ZNHIT6: variants seen among roughly 807,000 people sequenced by gnomAD.
ZNHIT6 encodes the protein box C/D snoRNA protein 1.
In ZNHIT6, 45 loss-of-function variants were observed where a neutral mutation model predicts 57.2. That is an observed-to-expected ratio of 0.79 (90% CI 0.62 to 1.01). The LOEUF (loss-of-function observed/expected upper bound fraction) is 1.01. ZNHIT6 is among the 50% of genes least tolerant of loss of function. The pLI, the probability that ZNHIT6 is intolerant of heterozygous loss-of-function variation, is 0.00. For synonymous variants in ZNHIT6, 188 were observed against 190.0 expected (o/e 0.99, Z 0.09); for missense variants, 528 against 567.3 (o/e 0.93, Z 0.70).
At position 85,708,184 on chromosome 1, in the gene ZNHIT6, C is replaced by T. The variant is rs1662749805; in HGVS notation, c.101G>A (p.Arg34Lys). 2 of 1,614,078 alleles carry T rather than the reference C, an allele frequency of 1.2e-6. No homozygotes were observed. The highest frequency in any genetic ancestry group is 1.7e-6 in the Non-Finnish European group (2 of 1,180,042). ...LSPEPGREGV[R>K]DLAGAEEFGG... ...GAACTCCTCCGCCCCTGCTAAGTCC[C>T]TTACTCCCTCCCTGCCAGGCTCTGG... Residue 34 changes from arginine (R) to lysine (K), a missense_variant, in exon 1 of 10, where the codon AGG (arginine) becomes AAG (lysine). Coordinates refer to ENST00000370574, the MANE Select transcript of ZNHIT6 (RefSeq NM_017953.4).
intron 6 of ZNHIT6, among the ~76,000 whole-genome samples, chr1:85,680,067 G>C (rs751530528): frequency 1.3e-5 from 2 of 152,048 alleles, no homozygotes; most frequent in Non-Finnish European, 2.9e-5. Context: ...TTAGCTGGGC[G>C]TGATGGCCTG....
intron 8 of ZNHIT6, among the ~76,000 whole-genome samples, chr1:85,663,977 T>G (rs371438918): frequency 1.8e-3 from 268 of 152,276 alleles, no homozygotes; most frequent in African/African-American, 6.2e-3. Context: ...CTGCTTTTCA[T>G]TTCATTCTTT....
At chr1:85,692,537 T>A (rs1206959648) in intron 5 of ZNHIT6, among the ~76,000 whole-genome samples, 1 of 152,196 alleles carries the variant, frequency 6.6e-6, no homozygotes, top group Non-Finnish European at 1.5e-5. Flanking sequence ...GAGCTGTCAA[T>A]CAGTTGACAA....
intron 4 of ZNHIT6, among the ~76,000 whole-genome samples, chr1:85,705,586 A>G (rs537454486): frequency 1.2e-4 from 19 of 152,138 alleles, no homozygotes; most frequent in Non-Finnish European, 2.2e-4. Context: ...TACCTTGCAA[A>G]TCTTTTAATT....
At chr1:85,691,259 C>T (rs1432135360) in intron 5 of ZNHIT6, among the ~76,000 whole-genome samples, 1 of 152,150 alleles carries the variant, frequency 6.6e-6, no homozygotes, top group Non-Finnish European at 1.5e-5. Context: ...AATAAACATT[C>T]AAGAAATATT....
intron 9 of ZNHIT6, among the ~76,000 whole-genome samples, chr1:85,654,717 C>T (rs558512443): frequency 5.9e-5 from 9 of 152,274 alleles, no homozygotes; most frequent in Non-Finnish European, 7.4e-5. Context: ...GCAAATCATT[C>T]TGCCTTTTAG....
Position 85,707,673 on chromosome 1 carries a change from C to A in ZNHIT6, c.612G>T (p.Pro204=), listed in dbSNP as rs147416935. The change falls in exon 1 of 10, where the codon CCG becomes CCT. Residue 204 remains proline (P), a synonymous_variant. Transcript: ENST00000370574. ...GCTTGCAGCCCACCGGGTGATTTATCGGAGGCTCTTCTTTCACCTTTGTAT... is the reference window on the plus strand; with the variant it reads ...GCTTGCAGCCCACCGGGTGATTTATAGGAGGCTCTTCTTTCACCTTTGTAT... ...VDDTKVKEEP[P]INHPVGCKRK... The A allele has an allele frequency of 6.4e-7, 1 of 1,570,216 alleles. No homozygotes were observed. The highest frequency in any genetic ancestry group is 8.6e-7 in the Non-Finnish European group (1 of 1,162,278).
In ZNHIT6 at chr1:85,667,961, A is replaced by AAAAAAAAAATATATAT; in HGVS notation, c.1247+9274_1247+9275insATATATATTTTTTTTT. On this transcript the variant is annotated intron_variant, in intron 8 of 9. Coordinates refer to ENST00000370574, the MANE Select transcript of ZNHIT6 (RefSeq NM_017953.4). ...ACTCTCTCTTTCAAAAAAAAAAAAA[A>AAAAAAAAAATATATAT]ATATATATATATATATATATATATG... Among the ~76,000 whole-genome samples the AAAAAAAAAATATATAT allele has an allele frequency of 2.6e-3, 47 of 18,184 alleles. 3 individuals are homozygous for AAAAAAAAAATATATAT. Among genetic ancestry groups the AAAAAAAAAATATATAT allele is most frequent in the African/African-American group, 6.8e-3 (32 of 4,698 alleles). 11.9% of individuals were successfully genotyped at this position (18,184 alleles called of 152,430 possible). A position where few individuals can be genotyped will look rare whatever the true frequency, so the allele number is the denominator to read the frequency against.
chr1:85,706,001 T>C (rs1313428634), intron 4 of ZNHIT6, 77 bp downstream of exon 4: 7 of 1,164,900 alleles, frequency 6.0e-6, no homozygotes, highest in South Asian at 1.5e-5. Flanking sequence ...TTAATATATT[T>C]GGTAAGTTAA....
intron 9 of ZNHIT6, among the ~76,000 whole-genome samples, 175 bp from the exon 10 acceptor site, chr1:85,654,273 G>A (rs1352811120): frequency 6.6e-6 from 1 of 152,150 alleles, no homozygotes; most frequent in African/African-American, 2.4e-5. Context: ...AATAAATAGA[G>A]AAATGATGTC....
intron 5 of ZNHIT6, among the ~76,000 whole-genome samples, chr1:85,700,926 C>T (rs1662514236): frequency 6.6e-6 from 1 of 152,138 alleles, no homozygotes; most frequent in South Asian, 2.1e-4. Flanking sequence ...CCCACTTCAG[C>T]CTCCTGAGTA....
intron 5 of ZNHIT6, among the ~76,000 whole-genome samples, chr1:85,688,262 G>C (rs1557862254): frequency 6.6e-6 from 1 of 152,148 alleles, no homozygotes; most frequent in African/African-American, 2.4e-5. Context: ...CACTAAGGTA[G>C]AGAAAAGAAA....
chr1:85,653,992 G>T lies in ZNHIT6; in HGVS notation c.*66C>A. On this transcript the variant is annotated 3_prime_UTR_variant, in exon 10 of 10. Transcript: ENST00000370574. ...TTGACAATACCCCAATCAGCCAACA[G>T]CCCATCAATGCAGAGTCTGCTGCAG... 7.3e-7 allele frequency: 1 copy of T among 1,377,980 alleles called. No individual in the cohort carries two copies. The highest frequency in any genetic ancestry group is 1.0e-6 in the Non-Finnish European group (1 of 978,070). The allele number at this position is 1,377,980 out of a possible 1,614,324, so 85.4% of individuals were successfully genotyped here.
At chr1:85,668,062 A>AT in intron 8 of ZNHIT6, among the ~76,000 whole-genome samples, 1 of 146,642 alleles carries the variant, frequency 6.8e-6, no homozygotes, top group African/African-American at 2.5e-5. Context: ...TATACCAAGT[A>AT]GTATGTTTAT....
At chr1:85,690,880 G>C (rs567265057) in intron 5 of ZNHIT6, among the ~76,000 whole-genome samples, 2 of 152,248 alleles carry the variant, frequency 1.3e-5, no homozygotes, top group Non-Finnish European at 2.9e-5. Flanking sequence ...ACAAAAATTA[G>C]CCAGGCGTGG....
At chr1:85,668,035 ATTCTCT>A in intron 8 of ZNHIT6, among the ~76,000 whole-genome samples, 1 of 134,618 alleles carries the variant, frequency 7.4e-6, no homozygotes, top group African/African-American at 2.8e-5. Context: ...TTCCATTCCG[ATTCTCT>A]TGCAGAATTT....
intron 8 of ZNHIT6, among the ~76,000 whole-genome samples, chr1:85,659,987 T>G (rs1406166095): frequency 6.6e-6 from 1 of 152,234 alleles, no homozygotes; most frequent in Non-Finnish European, 1.5e-5. Context: ...ATTCATACAT[T>G]CTTTTCCCTG....
At chr1:85,676,336 C>CA (rs754000429) in intron 8 of ZNHIT6, among the ~76,000 whole-genome samples, 1,579 of 53,938 alleles carry the variant, frequency 0.029, 31 homozygotes, top group Middle Eastern at 0.071. Context: ...AACTCCGTCT[C>CA]AAAAAAAAAA....
rs1044100263 is a variant in ZNHIT6 at position 85,653,886 on chromosome 1, A to G, written c.*172T>C. Reference sequence around the variant, plus strand: ...ATGAATAAATGGGTCTTACAAGTCAATTAATTCAAGAGGTTATAAAATACA... The same window carrying G: ...ATGAATAAATGGGTCTTACAAGTCAGTTAATTCAAGAGGTTATAAAATACA... On this transcript the variant is annotated 3_prime_UTR_variant, in exon 10 of 10. Coordinates refer to ENST00000370574, the MANE Select transcript of ZNHIT6 (RefSeq NM_017953.4). The G allele has an allele frequency of 1.7e-6, 1 of 589,336 alleles. No individual in the cohort carries two copies. The highest frequency in any genetic ancestry group is 1.9e-5 in the African/African-American group (1 of 53,002). The allele number at this position is 589,336 out of a possible 1,614,324, so 36.5% of individuals were successfully genotyped here.
Sources: gnomAD v4.1 joint callset for allele counts (sites outside exome capture counted in the v4.1 genomes callset) on GRCh38, gnomAD v4.1.1 for gene constraint, MANE v1.5 for transcripts, NCBI Gene and HGNC (gene_info 2026-07-23, HGNC 2026-07-21) for gene names.